The following ARL5B variants were observed in gnomAD, a reference collection of about 807,000 sequenced individuals.
ARL5B encodes the protein ARF like GTPase 5B, also known as ADP-ribosylation factor-like protein 5B.
A neutral mutation model predicts 26.9 loss-of-function variants in ARL5B; 10 were observed. The ratio of observed to expected loss-of-function variants is 0.37; its 90% CI spans 0.23 to 0.63. The LOEUF (loss-of-function observed/expected upper bound fraction) is 0.63. Ranked by LOEUF, ARL5B falls within the 30% of genes least tolerant of loss-of-function variation. ARL5B has a pLI of 0.62. For missense variants in ARL5B, 167 were observed against 213.9 expected (o/e 0.78, Z 1.37); for synonymous variants, 87 against 70.4 (o/e 1.24, Z -1.18).
At chr10:18,671,597 G>T (rs2059887120) in intron 3 of ARL5B, among the ~76,000 whole-genome samples, 1 of 151,750 alleles carries the variant, frequency 6.6e-6, no homozygotes. Context: ...TCTGTATACA[G>T]TGTTCAGCTT....
rs564220486 is a variant in ARL5B, at chr10:18,670,615, AAAAAG to A, written c.255+1947_255+1951del. On this transcript the variant is annotated intron_variant, in intron 3 of 5. Coordinates refer to ENST00000377275, the MANE Select transcript of ARL5B (RefSeq NM_178815.5). ...GGCAGAGTCTCGCTCTCTCTCAAAA[AAAAAG>A]AAAAGAAAGTAAGGGACAAATGACA... Among the ~76,000 whole-genome samples the A allele has an allele frequency of 3.0e-3, 458 of 152,320 alleles. 2 individuals carry two copies. The highest frequency in any genetic ancestry group is 0.01 in the African/African-American group (436 of 41,570).
intron 1 of ARL5B, among the ~76,000 whole-genome samples, chr10:18,660,667 T>C (rs1410642739): frequency 2.0e-5 from 3 of 152,168 alleles, no homozygotes; most frequent in Admixed American, 2.0e-4. Context: ...GTTCTGTAGA[T>C]TGATAAGAAC....
chr10:18,673,616 C>T (rs2059897739), intron 4 of ARL5B, among the ~76,000 whole-genome samples: 1 of 152,036 alleles, frequency 6.6e-6, no homozygotes, highest in African/African-American at 2.4e-5. Context: ...TATACAAAGA[C>T]TAGTAAGTAA....
chr10:18,668,626 T>C lies in ARL5B; in HGVS notation c.204T>C (p.Gly68=), dbSNP rs758721499. The change falls in exon 3 of 6, where the codon GGT becomes GGC. Residue 68 remains glycine, a synonymous_variant. Coordinates refer to ENST00000377275, the MANE Select transcript of ARL5B (RefSeq NM_178815.5). ...CTCATTTTCTTATGTGGGATATTGG[T>C]GGTCAGGAGTCTCTGCGATCATCCT... ...KNTHFLMWDI[G]GQESLRSSWN... 1.2e-6 allele frequency: 2 copies of C among 1,614,152 alleles called. No homozygotes were observed. Among genetic ancestry groups the C allele is most frequent in the Non-Finnish European group, 1.7e-6 (2 of 1,180,028 alleles).
intron 4 of ARL5B, among the ~76,000 whole-genome samples, chr10:18,673,086 G>A (rs535829124): frequency 2.0e-4 from 30 of 151,066 alleles, no homozygotes; most frequent in Non-Finnish European, 3.8e-4. Flanking sequence ...TTTTTGAGAC[G>A]GAGTCTTGCT....
chr10:18,673,299 A>G (rs185302305), intron 4 of ARL5B, among the ~76,000 whole-genome samples: 3 of 152,174 alleles, frequency 2.0e-5, no homozygotes, highest in East Asian at 3.9e-4. Flanking sequence ...TGATGTCGTT[A>G]TCCGCCTGCC....
chr10:18,672,106 A>C (rs1344742301), intron 3 of ARL5B, among the ~76,000 whole-genome samples: 1 of 152,124 alleles, frequency 6.6e-6, no homozygotes, highest in Non-Finnish European at 1.5e-5. Flanking sequence ...AATCTGGAGC[A>C]TTTATGGTGG....
At chr10:18,670,338 C>T (rs561892931) in intron 3 of ARL5B, among the ~76,000 whole-genome samples, 20 of 152,264 alleles carry the variant, frequency 1.3e-4, no homozygotes, top group African/African-American at 4.8e-4. Context: ...GGGCCAGGCG[C>T]AGTGGCTCAC....
chr10:18,668,331 A>C (rs1056961881), intron 2 of ARL5B, among the ~76,000 whole-genome samples, 199 bp from the exon 3 acceptor site: 3 of 151,946 alleles, frequency 2.0e-5, no homozygotes, highest in South Asian at 2.1e-4. Flanking sequence ...AAAAAAAAAA[A>C]CAAACAAGAA....
At chr10:18,671,962 T>G (rs984675114) in intron 3 of ARL5B, among the ~76,000 whole-genome samples, 2 of 152,346 alleles carry the variant, frequency 1.3e-5, no homozygotes, top group African/African-American at 2.4e-5. Flanking sequence ...CTATATCTTC[T>G]TATTTTTTAA....
At chr10:18,668,454 T>C (rs2059871324) in intron 2 of ARL5B, 76 bp from the exon 3 acceptor site, 1 of 1,519,986 alleles carries the variant, frequency 6.6e-7, no homozygotes, top group Non-Finnish European at 9.0e-7. Context: ...TTGATTGATC[T>C]TAAAAATACA....
intron 1 of ARL5B, among the ~76,000 whole-genome samples, chr10:18,662,046 G>A (rs1342628835): frequency 6.6e-6 from 1 of 152,186 alleles, no homozygotes; most frequent in African/African-American, 2.4e-5. Context: ...ATGTATCTTA[G>A]CCTATATTTT....
At chr10:18,671,421 G>A (rs529303305) in intron 3 of ARL5B, among the ~76,000 whole-genome samples, 4 of 152,058 alleles carry the variant, frequency 2.6e-5, no homozygotes, top group South Asian at 2.1e-4. Flanking sequence ...TGCCCACCTC[G>A]GCCTACCAAA....
At chr10:18,673,908 T>A in intron 4 of ARL5B, 76 bp from the exon 5 acceptor site, 1 of 1,351,552 alleles carries the variant, frequency 7.4e-7, no homozygotes, top group Admixed American at 2.6e-5. Context: ...GTAGAAGCAC[T>A]TCATTATAAC....
chr10:18,679,052 A>G lies in ARL5B; in HGVS notation c.*3836A>G, dbSNP rs994210832. ...GAAATTAAATGTATTTTTATCCATTATTTGATTCCCACCTGTTATTTTATT... is the reference window on the plus strand; with the variant it reads ...GAAATTAAATGTATTTTTATCCATTGTTTGATTCCCACCTGTTATTTTATT... On this transcript the variant is annotated 3_prime_UTR_variant, in exon 6 of 6. Transcript: ENST00000377275. 4 of 151,900 alleles carry G rather than the reference A, an allele frequency of 2.6e-5. No individual in the cohort carries two copies. Among genetic ancestry groups the G allele is most frequent in the Non-Finnish European group, 5.9e-5 (4 of 67,804 alleles). 9.4% of individuals were successfully genotyped at this position (151,900 alleles called of 1,614,324 possible).
At chr10:18,660,323 G>A (rs766168376) in intron 1 of ARL5B, among the ~76,000 whole-genome samples, 3 of 152,158 alleles carry the variant, frequency 2.0e-5, no homozygotes, top group Non-Finnish European at 2.9e-5. Flanking sequence ...GAGACACCTG[G>A]AAGTGGCAGG....
rs1052271220 is a variant in ARL5B, at chr10:18,681,203, C to T, written c.*5987C>T. ...GTCTTTCACACCACAAACTGTGTGT[C>T]TGAACCCCAGCCAAACAAATGTGTT... On this transcript the variant is annotated 3_prime_UTR_variant, in exon 6 of 6. Coordinates refer to ENST00000377275, the MANE Select transcript of ARL5B (RefSeq NM_178815.5). 2.0e-5 allele frequency: 3 copies of T among 152,148 alleles called. No individual in the cohort carries two copies. Among genetic ancestry groups the T allele is most frequent in the African/African-American group, 7.2e-5 (3 of 41,442 alleles). The allele number at this position is 152,148 out of a possible 1,614,324, so 9.4% of individuals were successfully genotyped here.
intron 3 of ARL5B, 111 bp from the exon 4 acceptor site, chr10:18,672,511 T>C: frequency 1.5e-6 from 1 of 656,984 alleles, no homozygotes; most frequent in Admixed American, 2.7e-5. Flanking sequence ...AGATGTTTTA[T>C]AGTAATGATG....
chr10:18,668,481 C>T, intron 2 of ARL5B, 49 bp from the exon 3 acceptor site: 1 of 1,599,814 alleles, frequency 6.3e-7, no homozygotes, highest in Non-Finnish European at 8.5e-7. Flanking sequence ...AAAGTTGCTT[C>T]AGATTCTCAA....
Sources: gnomAD v4.1 joint callset for allele counts (sites outside exome capture counted in the v4.1 genomes callset) on GRCh38, gnomAD v4.1.1 for gene constraint, MANE v1.5 for transcripts, NCBI Gene and HGNC (gene_info 2026-07-23, HGNC 2026-07-21) for gene names.